Variants in PCDH19 observed in about 807,000 individuals in gnomAD.
The protein encoded by PCDH19 is protocadherin 19.
Under a neutral mutation model 46.2 loss-of-function variants are expected in PCDH19, and 6 were observed. The observed-to-expected ratio is 0.13, with a 90% CI of 0.07 to 0.26. PCDH19 has a LOEUF of 0.26. Ranked by LOEUF, PCDH19 falls within the 10% of genes least tolerant of loss-of-function variation. The probability of loss-of-function intolerance (pLI) is 1.00; values close to 1 mark genes in which losing one functional copy is unlikely to be tolerated. For missense variants in PCDH19, 740 were observed against 972.3 expected (o/e 0.76, Z 3.18); for synonymous variants, 481 against 415.7 (o/e 1.16, Z -1.91).
rs2147446474 is a variant in PCDH19, at chrX:100,296,795, T to C, written c.2929A>G (p.Met977Val). 1.7e-6 allele frequency: 2 copies of C among 1,211,417 alleles called. No individual in the cohort carries two copies. Among genetic ancestry groups the C allele is most frequent in the Non-Finnish European group, 2.2e-6 (2 of 895,182 alleles). ...TCAGGGGACTTGGAACGGATGGGCA[T>C]GGGGTTCCGGGGCATCCAGCACCTG... ...SDRCWMPRNPMPIRSKSPEHV... is the reference protein window; with the variant it reads ...SDRCWMPRNPVPIRSKSPEHV... The change falls in exon 6 of 6, where the codon ATG becomes GTG. Residue 977 changes from methionine to valine, a missense_variant. Met to Val is a conservative substitution (Grantham distance 21). This residue lies in a region of PCDH19 where 416 missense variants were observed against 476.8 expected (regional missense o/e 0.87). Coordinates refer to ENST00000373034, the MANE Select transcript of PCDH19 (RefSeq NM_001184880.2).
chrX:100,410,037 A>C lies in PCDH19; in HGVS notation c.-1440T>G. The C allele has an allele frequency of 3.4e-6, 1 of 290,708 alleles. No individual in the cohort carries two copies. The highest frequency in any genetic ancestry group is 6.0e-6 in the Non-Finnish European group (1 of 166,813). 24.0% of individuals were successfully genotyped at this position (290,708 alleles called of 1,213,427 possible). A position where few individuals can be genotyped will look rare whatever the true frequency, so the allele number is the denominator to read the frequency against. On this transcript the variant is annotated 5_prime_UTR_variant, in exon 1 of 6. Coordinates refer to ENST00000373034, the MANE Select transcript of PCDH19 (RefSeq NM_001184880.2). ...GTGGAGTATGAGCAAGCAGGAGGCA[A>C]TGGGTTTGGGGTAGGAGGTTTAGGA...
chrX:100,320,437 C>A (rs1008438816), intron 5 of PCDH19, among the ~76,000 whole-genome samples: 2 of 111,607 alleles, frequency 1.8e-5, no homozygotes, highest in African/African-American at 3.3e-5. Context: ...GCAATAAAAA[C>A]CCCAATTAAA....
At chrX:100,400,793 A>G (rs891214892) in intron 3 of PCDH19, among the ~76,000 whole-genome samples, 4 of 112,410 alleles carry the variant, frequency 3.6e-5, no homozygotes, top group South Asian at 3.7e-4. Context: ...GAAGCAATCA[A>G]TGTAAGTGGT....
At chrX:100,394,856 G>T (rs1225934561) in intron 3 of PCDH19, among the ~76,000 whole-genome samples, 2 of 103,482 alleles carry the variant, frequency 1.9e-5, no homozygotes, top group Non-Finnish European at 4.0e-5. Context: ...CAAAGGTTTT[G>T]TAAATCTTGT....
intron 5 of PCDH19, among the ~76,000 whole-genome samples, chrX:100,333,185 GAAAGAAA>G (rs1925961337): frequency 1.7e-4 from 11 of 63,458 alleles, no homozygotes; most frequent in African/African-American, 7.2e-4. Context: ...GAGAGAGAGA[GAAAGAAA>G]GAAAGAAAGA....
At chrX:100,300,730 A>G (rs1363425694) in intron 5 of PCDH19, among the ~76,000 whole-genome samples, 1 of 111,249 alleles carries the variant, frequency 9.0e-6, no homozygotes, top group Non-Finnish European at 1.9e-5. Flanking sequence ...GAGTGCATAA[A>G]TTTGGAAGAG....
chrX:100,340,751 C>T (rs1231135259), intron 5 of PCDH19, among the ~76,000 whole-genome samples: 2 of 111,882 alleles, frequency 1.8e-5, no homozygotes, highest in Admixed American at 1.9e-4. Flanking sequence ...TAATTTTTTT[C>T]CATGAAAAAC....
chrX:100,304,956 G>A (rs1457701574), intron 5 of PCDH19, among the ~76,000 whole-genome samples: 1 of 112,399 alleles, frequency 8.9e-6, no homozygotes, highest in African/African-American at 3.2e-5. Flanking sequence ...AATAATGGGT[G>A]TTCCCAAGGA....
chrX:100,305,113 A>G, intron 5 of PCDH19, among the ~76,000 whole-genome samples: 1 of 112,227 alleles, frequency 8.9e-6, no homozygotes, highest in Non-Finnish European at 1.9e-5. Flanking sequence ...TCACCTAGGC[A>G]CATAGTCATC....
chrX:100,305,089 T>C (rs1924902477), intron 5 of PCDH19, among the ~76,000 whole-genome samples: 2 of 111,565 alleles, frequency 1.8e-5, no homozygotes, highest in African/African-American at 6.5e-5. Context: ...GGGAAATTCA[T>C]TGCAAAAAGA....
intron 5 of PCDH19, among the ~76,000 whole-genome samples, chrX:100,330,880 T>G (rs1026697271): frequency 7.1e-5 from 8 of 112,384 alleles, no homozygotes; most frequent in African/African-American, 2.6e-4. Context: ...TGCATTTTTG[T>G]TGTCTAAACT....
At chrX:100,326,806 G>A (rs1265085114) in intron 5 of PCDH19, among the ~76,000 whole-genome samples, 2 of 111,905 alleles carry the variant, frequency 1.8e-5, no homozygotes, top group Non-Finnish European at 3.8e-5. Flanking sequence ...ATTTCACAGT[G>A]AGTAAATCAA....
At chrX:100,365,446 T>C (rs1927042409) in intron 3 of PCDH19, among the ~76,000 whole-genome samples, 1 of 111,733 alleles carries the variant, frequency 8.9e-6, no homozygotes, top group African/African-American at 3.3e-5. Flanking sequence ...AATTAAAAAA[T>C]ATATATTTTT....
Position 100,320,481 on chromosome X carries a change from T to C in PCDH19, c.2848+21422A>G, listed in dbSNP as rs762744600. ...GCAATAATAAACACCTCAATAACTA[T>C]TGGGATGTTAAGAGTAATAACAGTG... On this transcript the variant is annotated intron_variant, in intron 5 of 5. Coordinates refer to ENST00000373034, the MANE Select transcript of PCDH19 (RefSeq NM_001184880.2). Among the ~76,000 whole-genome samples the C allele has an allele frequency of 1.1e-4, 12 of 111,738 alleles. No homozygotes were observed. In the South Asian group the frequency reaches 4.1e-3, roughly 39 times the overall value.
chrX:100,331,611 G>C (rs1036866498), intron 5 of PCDH19, among the ~76,000 whole-genome samples: 1 of 111,968 alleles, frequency 8.9e-6, no homozygotes, highest in Non-Finnish European at 1.9e-5. Context: ...TGTTGAGGGA[G>C]GGACCTGTAA....
chrX:100,364,310 G>A (rs967071743), intron 3 of PCDH19, among the ~76,000 whole-genome samples: 2 of 111,620 alleles, frequency 1.8e-5, no homozygotes, highest in Non-Finnish European at 3.8e-5. Context: ...CCTCAGGGGG[G>A]TGCTGTCCAA....
chrX:100,373,415 T>C (rs939934042), intron 3 of PCDH19, among the ~76,000 whole-genome samples: 2 of 112,928 alleles, frequency 1.8e-5, no homozygotes, highest in East Asian at 5.5e-4. Flanking sequence ...GAAAGAATCA[T>C]CTCATTGGGG....
intron 3 of PCDH19, among the ~76,000 whole-genome samples, chrX:100,393,728 G>A (rs1927936789): frequency 1.8e-5 from 2 of 112,141 alleles, no homozygotes; most frequent in African/African-American, 6.5e-5. Context: ...TGGTGGCAGT[G>A]AGGGAGAGCA....
Position 100,293,199 on chromosome X carries a change from T to C in PCDH19, c.*3078A>G, listed in dbSNP as rs1361425777. 8.9e-6 allele frequency: 1 copy of C among 112,276 alleles called. No individual in the cohort carries two copies. Among genetic ancestry groups the C allele is most frequent in the Non-Finnish European group, 1.9e-5 (1 of 53,298 alleles). 9.3% of individuals were successfully genotyped at this position (112,276 alleles called of 1,213,427 possible). A position where few individuals can be genotyped will look rare whatever the true frequency, so the allele number is the denominator to read the frequency against. ...TTGTATTTTTTAAAAATATTTCTGA[T>C]TAGAGATCAGTGGATCACTAAGCGA... On this transcript the variant is annotated 3_prime_UTR_variant, in exon 6 of 6. Transcript: ENST00000373034.
Sources: allele counts gnomAD v4.1 joint callset (sites outside exome capture counted in the v4.1 genomes callset), GRCh38; gene constraint gnomAD v4.1.1; regional missense constraint gnomAD v4.1.1; transcripts MANE v1.5; gene names NCBI Gene and HGNC (gene_info 2026-07-23, HGNC 2026-07-21).